NCOA1: variants seen among roughly 807,000 people sequenced by gnomAD.
NCOA1 encodes the protein nuclear receptor coactivator 1.
In NCOA1, 35 loss-of-function variants were observed where a neutral mutation model predicts 150.9. The ratio of observed to expected loss-of-function variants is 0.23; its 90% CI spans 0.18 to 0.31. The LOEUF (loss-of-function observed/expected upper bound fraction) is 0.31. NCOA1 is among the 10% of genes least tolerant of loss of function. NCOA1 has a pLI of 1.00. For missense variants in NCOA1, 1,491 were observed against 1,749.3 expected, an observed-to-expected ratio of 0.85 and a Z score of 2.63; for synonymous variants, 590 against 630.0, an observed-to-expected ratio of 0.94 and a Z score of 0.95.
intron 1 of NCOA1, among the ~76,000 whole-genome samples, chr2:24,524,288 C>G (rs1236891007): frequency 6.6e-6 from 1 of 151,998 alleles, no homozygotes; most frequent in African/African-American, 2.4e-5. Flanking sequence ...TTTTTACTTA[C>G]TTACTTTTTA....
intron 3 of NCOA1, among the ~76,000 whole-genome samples, chr2:24,590,065 TA>T (rs1280226302): frequency 6.6e-6 from 1 of 152,154 alleles, no homozygotes; most frequent in Non-Finnish European, 1.5e-5. Flanking sequence ...GGCCAGAAAA[TA>T]TTAGTGTCTA....
intron 2 of NCOA1, among the ~76,000 whole-genome samples, chr2:24,574,351 A>G (rs1194844986): frequency 1.3e-5 from 2 of 152,096 alleles, no homozygotes; most frequent in African/African-American, 4.8e-5. Flanking sequence ...AGGAACATAT[A>G]ATTCCTATGG....
At position 24,766,104 on chromosome 2, in the gene NCOA1, T is replaced by C. The variant is rs186106512; in HGVS notation, c.4156-2117T>C. 2.8e-3 allele frequency among the ~76,000 whole-genome samples: 424 copies of C among 152,130 alleles called. 1 individual carries two copies. Among genetic ancestry groups the C allele is most frequent in the Non-Finnish European group, 4.2e-3 (283 of 67,982 alleles). ...TTTGTAGAGATGGGTCTCACTATGT[T>C]GCCCAGGCTGGTCTCAAACTTCTAG... is the stretch of plus-strand genomic sequence containing the variant. On this transcript the variant is annotated intron_variant, in intron 22 of 22. Transcript: ENST00000348332.
intron 17 of NCOA1, among the ~76,000 whole-genome samples, chr2:24,730,777 G>A (rs1206054718): frequency 6.7e-6 from 1 of 149,642 alleles, no homozygotes; most frequent in Non-Finnish European, 1.5e-5. Context: ...TCTAATCCCA[G>A]CACTTTGGGA....
intron 13 of NCOA1, among the ~76,000 whole-genome samples, chr2:24,709,580 A>G (rs754020652): frequency 6.6e-6 from 1 of 152,178 alleles, no homozygotes; most frequent in African/African-American, 2.4e-5. Flanking sequence ...ATTTGCAGAC[A>G]TCTTTTTAGT....
rs1012522976 is a variant in NCOA1, at chr2:24,503,004, ATTAGGT to A, written c.-396+11405_-396+11410del. On this transcript the variant is annotated intron_variant, in intron 1 of 22. Transcript: ENST00000348332. ...TAGGGTATGAGAATGGCAGATGGGGATTAGGTTTTATATTTTGTCCTCTGCAGTGTC... is the reference window on the plus strand; with the variant it reads ...TAGGGTATGAGAATGGCAGATGGGGATTTATATTTTGTCCTCTGCAGTGTC... 2.0e-4 allele frequency among the ~76,000 whole-genome samples: 31 copies of A among 152,124 alleles called. 1 individual carries two copies. The highest frequency in any genetic ancestry group is 7.5e-4 in the African/African-American group (31 of 41,486).
intron 4 of NCOA1, among the ~76,000 whole-genome samples, chr2:24,646,177 A>G (rs947563150): frequency 6.6e-6 from 1 of 152,208 alleles, no homozygotes; most frequent in Non-Finnish European, 1.5e-5. Flanking sequence ...AATAGTTACA[A>G]AATTGCTAGA....
intron 2 of NCOA1, among the ~76,000 whole-genome samples, chr2:24,567,370 C>A (rs1666558912): frequency 6.6e-6 from 1 of 152,088 alleles, no homozygotes; most frequent in Admixed American, 6.5e-5. Flanking sequence ...ATCTTTTCTT[C>A]TTACTTTCAC....
chr2:24,577,441 G>A (rs1394523476), intron 2 of NCOA1, among the ~76,000 whole-genome samples: 1 of 151,958 alleles, frequency 6.6e-6, no homozygotes, highest in Non-Finnish European at 1.5e-5. Flanking sequence ...CATCTTTTTG[G>A]GAATCATAAG....
At chr2:24,599,418 C>T (rs1213745144) in intron 3 of NCOA1, among the ~76,000 whole-genome samples, 1 of 152,068 alleles carries the variant, frequency 6.6e-6, no homozygotes, top group East Asian at 1.9e-4. Context: ...AATGGTAAAT[C>T]ATCTCTCTCA....
chr2:24,697,366 T>C (rs899690225), intron 10 of NCOA1, among the ~76,000 whole-genome samples: 14 of 152,178 alleles, frequency 9.2e-5, no homozygotes, highest in African/African-American at 3.1e-4. Context: ...CCAGAAGAGT[T>C]TGAACTGCAT....
intron 3 of NCOA1, among the ~76,000 whole-genome samples, chr2:24,637,781 C>T (rs1219276411): frequency 6.6e-6 from 1 of 152,114 alleles, no homozygotes; most frequent in Non-Finnish European, 1.5e-5. Flanking sequence ...CCGCAACCTC[C>T]GCCTTCTAGG....
intron 6 of NCOA1, among the ~76,000 whole-genome samples, chr2:24,671,202 T>C (rs1233384197): frequency 2.0e-5 from 3 of 152,208 alleles, no homozygotes; most frequent in African/African-American, 4.8e-5. Context: ...AATGAATGAA[T>C]CAAACCTACA....
At chr2:24,614,361 GTA>G (rs984589922) in intron 3 of NCOA1, among the ~76,000 whole-genome samples, 4 of 150,784 alleles carry the variant, frequency 2.7e-5, no homozygotes, top group Non-Finnish European at 5.9e-5. Context: ...GGGACTATAG[GTA>G]TACACCACCA....
At chr2:24,537,635 A>G (rs909035812) in intron 1 of NCOA1, among the ~76,000 whole-genome samples, 1 of 152,082 alleles carries the variant, frequency 6.6e-6, no homozygotes, top group Admixed American at 6.6e-5. Flanking sequence ...GCTGATGTAT[A>G]GGATGAACAA....
Position 24,762,682 on chromosome 2 carries a change from A to G in NCOA1, c.4066-5A>G. On this transcript the variant is annotated splice_polypyrimidine_tract_variant and splice_region_variant and intron_variant, in intron 21 of 22. Transcript: ENST00000348332. ...GTAATTTGATCTTGTATTTATCTTT[A>G]ATAGATAAATGATCCCGCACTGAGA... The G allele has an allele frequency of 6.2e-7, 1 of 1,608,252 alleles. No homozygotes were observed. Among genetic ancestry groups the G allele is most frequent in the East Asian group, 2.2e-5 (1 of 44,834 alleles).
chr2:24,676,792 C>G (rs998537667), intron 7 of NCOA1, among the ~76,000 whole-genome samples: 2 of 152,142 alleles, frequency 1.3e-5, no homozygotes, highest in South Asian at 2.1e-4. Context: ...CCAAACTGAT[C>G]TGATAAAACT....
chr2:24,759,192 T>C (rs1664651033), intron 21 of NCOA1, among the ~76,000 whole-genome samples: 1 of 152,192 alleles, frequency 6.6e-6, no homozygotes, highest in Admixed American at 6.5e-5. Context: ...ATTTTAATCA[T>C]AGGACAAAAC....
chr2:24,507,263 C>G (rs138990727), intron 1 of NCOA1, among the ~76,000 whole-genome samples: 1 of 152,228 alleles, frequency 6.6e-6, no homozygotes, highest in African/African-American at 2.4e-5. Context: ...CTCTCTGCTA[C>G]TGCCTAGTTG....
Sources: gnomAD v4.1 joint callset for allele counts (sites outside exome capture counted in the v4.1 genomes callset) on GRCh38, gnomAD v4.1.1 for gene constraint, MANE v1.5 for transcripts, NCBI Gene and HGNC (gene_info 2026-07-23, HGNC 2026-07-21) for gene names.